Variants in CNTN5 observed in about 807,000 individuals in gnomAD.
CNTN5 encodes the protein contactin 5.
CNTN5 carries 77 observed loss-of-function variants against 129.1 expected under a neutral mutation model. The observed-to-expected ratio is 0.60, with a 90% CI of 0.50 to 0.72. The LOEUF is 0.72. Among genes scored for constraint, CNTN5 ranks in the 30% least tolerant of loss-of-function variants. The pLI, the probability that CNTN5 is intolerant of heterozygous loss-of-function variation, is 0.00. For missense variants in CNTN5, 1,478 were observed against 1,328.8 expected (o/e 1.11, Z -1.75); for synonymous variants, 509 against 465.6 (o/e 1.09, Z -1.20).
chr11:100,193,508 A>G lies in CNTN5; in HGVS notation c.1729A>G (p.Thr577Ala). ...SVKEPTRIEL[T>A]PKRTELTVGE... The stretch of plus-strand genomic sequence containing the variant: ...TATAGAACCTACAAGGATAGAACTT[A>G]CTCCTAAAAGAACAGAATTGACAGT... The change falls in exon 15 of 25, where the codon ACT becomes GCT. Residue 577 changes from threonine (T) to alanine (A), a missense_variant. Transcript: ENST00000524871. 1 of 1,598,658 alleles carries G rather than the reference A, an allele frequency of 6.3e-7. No homozygotes were observed.
chr11:99,233,729 C>G (rs989885754), intron 1 of CNTN5, among the ~76,000 whole-genome samples: 1 of 152,092 alleles, frequency 6.6e-6, no homozygotes, highest in African/African-American at 2.4e-5. Flanking sequence ...GGGTGGATCA[C>G]GAGGTCAGGA....
At chr11:99,773,795 G>T (rs1216857650) in intron 3 of CNTN5, among the ~76,000 whole-genome samples, 1 of 151,978 alleles carries the variant, frequency 6.6e-6, no homozygotes, top group African/African-American at 2.4e-5. Flanking sequence ...CCATTGGCTG[G>T]AATTCAAGTT....
intron 2 of CNTN5, among the ~76,000 whole-genome samples, chr11:99,493,961 A>G (rs557282120): frequency 1.3e-5 from 2 of 152,350 alleles, no homozygotes; most frequent in African/African-American, 4.8e-5. Flanking sequence ...TTTAAATTCT[A>G]TACTCATTCT....
intron 3 of CNTN5, among the ~76,000 whole-genome samples, chr11:99,718,943 G>A (rs533981725): frequency 2.6e-4 from 39 of 152,068 alleles, no homozygotes; most frequent in African/African-American, 8.0e-4. Flanking sequence ...GATTTTCACC[G>A]GTAATAGAAA....
chr11:99,233,063 A>G (rs1000302278), intron 1 of CNTN5, among the ~76,000 whole-genome samples: 3 of 152,192 alleles, frequency 2.0e-5, no homozygotes, highest in Non-Finnish European at 2.9e-5. Flanking sequence ...ATCATCTTCA[A>G]GTCAATGTTT....
intron 3 of CNTN5, among the ~76,000 whole-genome samples, chr11:99,784,271 G>A (rs1380651084): frequency 6.6e-6 from 1 of 152,010 alleles, no homozygotes; most frequent in Non-Finnish European, 1.5e-5. Context: ...ATTACATTAG[G>A]TATTTCTCCT....
chr11:99,925,061 A>G (rs1300357333), intron 7 of CNTN5, among the ~76,000 whole-genome samples: 1 of 152,184 alleles, frequency 6.6e-6, no homozygotes, highest in Non-Finnish European at 1.5e-5. Context: ...CCTGACTCCC[A>G]TAAAGTGCAA....
At chr11:99,898,290 G>A (rs776029815) in intron 6 of CNTN5, among the ~76,000 whole-genome samples, 6 of 151,504 alleles carry the variant, frequency 4.0e-5, no homozygotes, top group Non-Finnish European at 8.8e-5. Flanking sequence ...TTCTTTGAAA[G>A]GATAAAGGAA....
intron 13 of CNTN5, among the ~76,000 whole-genome samples, chr11:100,108,116 G>A (rs1945516822): frequency 6.6e-6 from 1 of 151,686 alleles, no homozygotes; most frequent in Non-Finnish European, 1.5e-5. Context: ...AGAGTTTGAG[G>A]TCATACTTGT....
At chr11:100,086,973 C>T (rs61367797) in intron 13 of CNTN5, among the ~76,000 whole-genome samples, 13,660 of 151,246 alleles carry the variant, frequency 0.09, 1,277 homozygotes, top group African/African-American at 0.24. Context: ...AATTAGGAAA[C>T]GAACATGAAA....
chr11:99,655,587 A>G (rs1343938567), intron 3 of CNTN5, among the ~76,000 whole-genome samples: 1 of 152,004 alleles, frequency 6.6e-6, no homozygotes, highest in African/African-American at 2.4e-5. Flanking sequence ...TCAGTAAATT[A>G]CTCCCTTGAA....
intron 3 of CNTN5, among the ~76,000 whole-genome samples, chr11:99,699,033 A>C (rs1239985503): frequency 4.0e-5 from 6 of 151,386 alleles, no homozygotes; most frequent in Non-Finnish European, 7.4e-5. Context: ...ATAGGGACAT[A>C]ACATGGTTAA....
chr11:100,055,551 T>A (rs967197063), intron 9 of CNTN5, among the ~76,000 whole-genome samples: 6 of 150,014 alleles, frequency 4.0e-5, no homozygotes, highest in Non-Finnish European at 8.9e-5. Context: ...ATTTACAGGA[T>A]ACAAAATTAT....
At chr11:99,255,384 A>T (rs905115193) in intron 1 of CNTN5, among the ~76,000 whole-genome samples, 1 of 151,758 alleles carries the variant, frequency 6.6e-6, no homozygotes, top group African/African-American at 2.4e-5. Flanking sequence ...TATTGTGGGT[A>T]TTTGGAATAA....
chr11:99,269,922 G>T (rs1863096448), intron 1 of CNTN5, among the ~76,000 whole-genome samples: 1 of 150,456 alleles, frequency 6.6e-6, no homozygotes, highest in Non-Finnish European at 1.5e-5. Flanking sequence ...CTTTTCTTCT[G>T]AAATAGCAAA....
chr11:99,112,182 C>T (rs1228885731), intron 1 of CNTN5, among the ~76,000 whole-genome samples: 1 of 151,994 alleles, frequency 6.6e-6, no homozygotes, highest in African/African-American at 2.4e-5. Flanking sequence ...CAATACCACA[C>T]TGAATTTTAT....
chr11:99,906,160 T>A lies in CNTN5; in HGVS notation c.578-9894T>A, dbSNP rs201737577. Among the ~76,000 whole-genome samples the A allele has an allele frequency of 3.9e-5, 6 of 152,282 alleles. No homozygotes were observed. The East Asian group carries it at 1.2e-3, about 29-fold the overall frequency. ...CATGCCTGATTGCCCTCTCTAGAAC[T>A]TCCAATATCATGTTGAATAGGAGTG... On this transcript the variant is annotated intron_variant, in intron 6 of 24. Coordinates refer to ENST00000524871, the MANE Select transcript of CNTN5 (RefSeq NM_014361.4).
intron 3 of CNTN5, among the ~76,000 whole-genome samples, chr11:99,665,320 G>A (rs958322928): frequency 2.0e-5 from 3 of 151,974 alleles, no homozygotes; most frequent in East Asian, 1.9e-4. Context: ...TAAGGAAAAT[G>A]TCTGGGCATT....
At chr11:99,132,273 T>C (rs1858980808) in intron 1 of CNTN5, among the ~76,000 whole-genome samples, 1 of 151,988 alleles carries the variant, frequency 6.6e-6, no homozygotes, top group African/African-American at 2.4e-5. Context: ...AAGAGCCATT[T>C]ATGACAAATC....
Sources: allele counts gnomAD v4.1 joint callset (sites outside exome capture counted in the v4.1 genomes callset), GRCh38; gene constraint gnomAD v4.1.1; transcripts MANE v1.5; gene names NCBI Gene and HGNC (gene_info 2026-07-23, HGNC 2026-07-21).